FAM107B: variants seen among roughly 807,000 people sequenced by gnomAD.
FAM107B encodes protein FAM107B.
A neutral mutation model predicts 31.5 loss-of-function variants in FAM107B; 21 were observed. The observed-to-expected ratio is 0.67, with a 90% CI of 0.47 to 0.96. FAM107B has a LOEUF of 0.96. Among genes scored for constraint, FAM107B ranks in the 40% least tolerant of loss-of-function variants. The pLI is 0.00. For missense variants in FAM107B, 452 were observed against 377.1 expected (o/e 1.20, Z -1.64); for synonymous variants, 157 against 141.5 (o/e 1.11, Z -0.78).
At chr10:14,736,353 C>T (rs7921961) in intron 1 of FAM107B, among the ~76,000 whole-genome samples, 63,123 of 152,040 alleles carry the variant, frequency 0.42, 13,618 homozygotes, top group African/African-American at 0.55. Context: ...AGTTAAAAGA[C>T]ACAATATGTT....
At chr10:14,735,571 T>C (rs1856280487) in intron 1 of FAM107B, among the ~76,000 whole-genome samples, 1 of 152,212 alleles carries the variant, frequency 6.6e-6, no homozygotes, top group South Asian at 2.1e-4. Flanking sequence ...CAAGAACATT[T>C]AGGACAAAAG....
intron 2 of FAM107B, among the ~76,000 whole-genome samples, chr10:14,603,785 G>A (rs1275707964): frequency 6.6e-6 from 1 of 152,014 alleles, no homozygotes; most frequent in Non-Finnish European, 1.5e-5. Flanking sequence ...AAACCTCCCC[G>A]GCCCCGGCTT....
intron 1 of FAM107B, among the ~76,000 whole-genome samples, chr10:14,722,332 G>A (rs1037794869): frequency 1.3e-5 from 2 of 152,162 alleles, no homozygotes; most frequent in East Asian, 3.8e-4. Context: ...TTAGCATAAT[G>A]TTTTCAAGGT....
intron 1 of FAM107B, among the ~76,000 whole-genome samples, chr10:14,684,014 C>G (rs12768189): frequency 0.089 from 13,575 of 152,252 alleles, 707 homozygotes; most frequent in East Asian, 0.26. Flanking sequence ...CCATTTATTT[C>G]TTATAGCTCT....
At chr10:14,709,553 A>G (rs1855593126) in intron 1 of FAM107B, among the ~76,000 whole-genome samples, 1 of 152,202 alleles carries the variant, frequency 6.6e-6, no homozygotes. Context: ...CCATGATTCA[A>G]TTACCTCCCA....
At chr10:14,687,207 T>C (rs1341520898) in intron 1 of FAM107B, among the ~76,000 whole-genome samples, 1 of 152,240 alleles carries the variant, frequency 6.6e-6, no homozygotes, top group Non-Finnish European at 1.5e-5. Context: ...AGGAGACACA[T>C]GTTCCCGTAC....
At chr10:14,565,769 G>A (rs1588603275) in intron 2 of FAM107B, among the ~76,000 whole-genome samples, 1 of 152,186 alleles carries the variant, frequency 6.6e-6, no homozygotes, top group East Asian at 1.9e-4. Context: ...GAGAGGAAGG[G>A]GAGGCTGCAA....
At chr10:14,714,431 A>C (rs1294690273) in intron 1 of FAM107B, among the ~76,000 whole-genome samples, 1 of 152,212 alleles carries the variant, frequency 6.6e-6, no homozygotes, top group Non-Finnish European at 1.5e-5. Context: ...GTGCACCGGA[A>C]CTTGAAAATA....
chr10:14,740,273 G>A (rs1298001321), intron 1 of FAM107B, among the ~76,000 whole-genome samples: 4 of 152,176 alleles, frequency 2.6e-5, no homozygotes, highest in African/African-American at 9.7e-5. Context: ...CATTATTCAG[G>A]TATAAATAGA....
At chr10:14,631,787 G>A (rs1853360256) in intron 2 of FAM107B, among the ~76,000 whole-genome samples, 1 of 152,048 alleles carries the variant, frequency 6.6e-6, no homozygotes, top group South Asian at 2.1e-4. Flanking sequence ...CCTCTCCAAT[G>A]CCAGGCTGGC....
intron 2 of FAM107B, among the ~76,000 whole-genome samples, chr10:14,624,006 C>T (rs1853087448): frequency 6.6e-6 from 1 of 152,202 alleles, no homozygotes; most frequent in Non-Finnish European, 1.5e-5. Flanking sequence ...GTTACAAAGC[C>T]TTCTCCTGAA....
At chr10:14,558,948 A>G in intron 2 of FAM107B, among the ~76,000 whole-genome samples, 1 of 152,180 alleles carries the variant, frequency 6.6e-6, no homozygotes. Flanking sequence ...TCCAACAAAG[A>G]GTAACAGAAT....
At position 14,590,983 on chromosome 10, in the gene FAM107B, CCATCTCAAA is replaced by C. The variant is rs1564590261; in HGVS notation, c.470-60477_470-60469del. On this transcript the variant is annotated intron_variant, in intron 2 of 4. Coordinates refer to ENST00000181796, the MANE Select transcript of FAM107B (RefSeq NM_031453.4). ...CAGCCTGGGCAACAAGAGCAAAACT[CCATCTCAAA>C]AAAAAAAAAAAAAAAAAAAGATCCA... Among the ~76,000 whole-genome samples the C allele has an allele frequency of 4.2e-3, 361 of 86,232 alleles. 1 individual carries two copies. The highest frequency in any genetic ancestry group is 0.013 in the African/African-American group (341 of 26,244). The allele number at this position is 86,232 out of a possible 152,430, so 56.6% of individuals were successfully genotyped here.
chr10:14,577,405 C>G (rs976376303), intron 2 of FAM107B, among the ~76,000 whole-genome samples: 2 of 152,152 alleles, frequency 1.3e-5, no homozygotes, highest in African/African-American at 4.8e-5. Context: ...CTCTTCCGTT[C>G]ACGGAAAGAA....
At chr10:14,565,290 C>A (rs918343582) in intron 2 of FAM107B, among the ~76,000 whole-genome samples, 1 of 152,052 alleles carries the variant, frequency 6.6e-6, no homozygotes, top group Admixed American at 6.5e-5. Context: ...ACAGAGGAAG[C>A]CGAGGTCACC....
intron 1 of FAM107B, among the ~76,000 whole-genome samples, chr10:14,695,543 A>T (rs1055544204): frequency 2.0e-5 from 3 of 152,154 alleles, no homozygotes; most frequent in African/African-American, 7.2e-5. Flanking sequence ...TGGGATTTTG[A>T]TAGGGATTGC....
At chr10:14,635,862 C>G (rs1363699703) in intron 2 of FAM107B, among the ~76,000 whole-genome samples, 1 of 151,998 alleles carries the variant, frequency 6.6e-6, no homozygotes, top group Non-Finnish European at 1.5e-5. Context: ...GAACTCCTGA[C>G]CTCAAGTGAT....
chr10:14,604,320 C>G (rs1346791692), intron 2 of FAM107B: 10 of 951,226 alleles, frequency 1.1e-5, no homozygotes, highest in African/African-American at 8.9e-5. Flanking sequence ...CCCGACTGCT[C>G]GGCGGCGGCC....
intron 1 of FAM107B, among the ~76,000 whole-genome samples, chr10:14,711,190 C>A (rs61688202): frequency 6.6e-6 from 1 of 152,056 alleles, no homozygotes; most frequent in Middle Eastern, 3.2e-3. Context: ...GGATTACAGG[C>A]GTGAGCCACT....
Sources: gnomAD v4.1 joint callset for allele counts (sites outside exome capture counted in the v4.1 genomes callset) on GRCh38, gnomAD v4.1.1 for gene constraint, MANE v1.5 for transcripts, NCBI Gene and HGNC (gene_info 2026-07-23, HGNC 2026-07-21) for gene names.